YWHAZ: variants seen among roughly 807,000 people sequenced by gnomAD.
YWHAZ encodes the protein tyrosine 3-monooxygenase/tryptophan 5-monooxygenase activation protein zeta, also known as 14-3-3 protein zeta/delta.
For missense variants in YWHAZ, 79 were observed against 284.8 expected (o/e 0.28, Z 5.20); for synonymous variants, 87 against 103.6 (o/e 0.84, Z 0.97).
chr8:100,925,733 A>G (rs1017012611), intron 2 of YWHAZ, among the ~76,000 whole-genome samples: 2 of 152,158 alleles, frequency 1.3e-5, no homozygotes, highest in Non-Finnish European at 2.9e-5. Flanking sequence ...TCATCCTATA[A>G]AATTCTGTCT....
chr8:100,924,815 A>C lies in YWHAZ; in HGVS notation c.418+101T>G. The C allele has an allele frequency of 6.8e-7, 1 of 1,469,810 alleles. No individual in the cohort carries two copies. The highest frequency in any genetic ancestry group is 9.3e-7 in the Non-Finnish European group (1 of 1,080,772). The allele number at this position is 1,469,810 out of a possible 1,614,324, so 91.0% of individuals were successfully genotyped here. ...AGAGCACTGCTACTCCTTATTCGGC[A>C]CTCTAAGCAATTCAAAACAAGACAT... is the stretch of plus-strand genomic sequence containing the variant. On this transcript the variant is annotated intron_variant, in intron 3 of 5. Coordinates refer to ENST00000395958, the MANE Select transcript of YWHAZ (RefSeq NM_145690.3). This position sits in a 1 kb window ranked among gnomAD's most constrained non-coding sequence, Gnocchi z 5.7.
In YWHAZ at chr8:100,920,051, G is replaced by A. The variant is rs1375637116; in HGVS notation, c.*642C>T. The A allele has an allele frequency of 6.6e-6, 1 of 152,538 alleles. No homozygotes were observed. The highest frequency in any genetic ancestry group is 2.4e-5 in the African/African-American group (1 of 41,412). The allele number at this position is 152,538 out of a possible 1,614,324, so 9.4% of individuals were successfully genotyped here. A position where few individuals can be genotyped will look rare whatever the true frequency, so the allele number is the denominator to read the frequency against. ...ACATTTAAATACAAATAAAATGAGT[G>A]TAGCAAAAATAATGAAAGCTAACAG... On this transcript the variant is annotated 3_prime_UTR_variant, in exon 6 of 6. Transcript: ENST00000395958.
rs1812743865 is a variant in YWHAZ at position 100,917,260 on chromosome 8, CAT to C, written c.*3431_*3432del. The C allele has an allele frequency of 6.6e-6, 1 of 152,206 alleles. No homozygotes were observed. The highest frequency in any genetic ancestry group is 1.5e-5 in the Non-Finnish European group (1 of 68,062). 9.4% of individuals were successfully genotyped at this position (152,206 alleles called of 1,614,324 possible). A position where few individuals can be genotyped will look rare whatever the true frequency, so the allele number is the denominator to read the frequency against. On this transcript the variant is annotated 3_prime_UTR_variant, in exon 6 of 6. Coordinates refer to ENST00000395958, the MANE Select transcript of YWHAZ (RefSeq NM_145690.3). ...TGAGCCCCAAAATTAAGCCACTAGACATATTCTTTCTCTTTCTCCCCCCACCC... is the reference window on the plus strand; with the variant it reads ...TGAGCCCCAAAATTAAGCCACTAGACATTCTTTCTCTTTCTCCCCCCACCC...
At position 100,948,148 on chromosome 8, in the gene YWHAZ, C is replaced by T; in HGVS notation, c.294+448G>A. 1.3e-6 allele frequency: 2 copies of T among 1,533,866 alleles called. No homozygotes were observed. The highest frequency in any genetic ancestry group is 2.4e-5 in the South Asian group (2 of 83,724). ...AGTTTTCTGCATGGTTGACTCATTA[C>T]ATTAACATTATAGCGGCTAATCCTG... On this transcript the variant is annotated intron_variant, in intron 2 of 5. Transcript: ENST00000395958. The surrounding 1 kb of genome is among the most constrained non-coding windows in gnomAD (Gnocchi z 4.2).
intron 2 of YWHAZ, among the ~76,000 whole-genome samples, chr8:100,939,796 C>A (rs1276237824): frequency 6.6e-6 from 1 of 152,076 alleles, no homozygotes; most frequent in Non-Finnish European, 1.5e-5. Flanking sequence ...CCGAGGCAGG[C>A]GGATCACGAG....
At chr8:100,937,686 A>C (rs1814254675) in intron 2 of YWHAZ, among the ~76,000 whole-genome samples, 1 of 152,180 alleles carries the variant, frequency 6.6e-6, no homozygotes, top group African/African-American at 2.4e-5. Context: ...CCAAAACAAC[A>C]AATGAAGAGA....
At chr8:100,938,717 A>G (rs796276376) in intron 2 of YWHAZ, among the ~76,000 whole-genome samples, 1 of 152,332 alleles carries the variant, frequency 6.6e-6, no homozygotes, top group African/African-American at 2.4e-5. Context: ...ATAATCTGTC[A>G]CACATTAGGG....
chr8:100,942,257 G>A (rs1457933817), intron 2 of YWHAZ, among the ~76,000 whole-genome samples: 1 of 152,094 alleles, frequency 6.6e-6, no homozygotes, highest in Non-Finnish European at 1.5e-5. Flanking sequence ...AAAAACTAGT[G>A]AAATCTGCCA....
chr8:100,948,295 T>C lies in YWHAZ; in HGVS notation c.294+301A>G. 1 of 653,772 alleles carries C rather than the reference T, an allele frequency of 1.5e-6. No homozygotes were observed. Among genetic ancestry groups the C allele is most frequent in the Middle Eastern group, 3.9e-4 (1 of 2,540 alleles). 40.5% of individuals were successfully genotyped at this position (653,772 alleles called of 1,614,324 possible). A position where few individuals can be genotyped will look rare whatever the true frequency, so the allele number is the denominator to read the frequency against. On this transcript the variant is annotated intron_variant, in intron 2 of 5. Transcript: ENST00000395958. This position sits in a 1 kb window ranked among gnomAD's most constrained non-coding sequence, Gnocchi z 4.2. ...AGCTATAGAGCTACTACAAATATTC[T>C]AACCATAAGTAAAACAGTAACACAA...
chr8:100,952,212 C>T (rs1183405252), upstream of YWHAZ: 1 of 965,140 alleles, frequency 1.0e-6, no homozygotes, highest in Non-Finnish European at 1.2e-6. Context: ...CCCGCCCGCG[C>T]TGGAGGGCGA....
At chr8:100,938,741 ATC>A (rs1249528311) in intron 2 of YWHAZ, among the ~76,000 whole-genome samples, 1 of 152,226 alleles carries the variant, frequency 6.6e-6, no homozygotes, top group Non-Finnish European at 1.5e-5. Flanking sequence ...CATAGATTTA[ATC>A]TCTTACTCCC....
At chr8:100,921,136 C>T (rs906366431) in intron 5 of YWHAZ, among the ~76,000 whole-genome samples, 3 of 152,062 alleles carry the variant, frequency 2.0e-5, no homozygotes, top group Non-Finnish European at 2.9e-5. Context: ...CAGGTTCAAG[C>T]GATTCTCCTG....
upstream of YWHAZ, chr8:100,953,363 G>A (rs908123344): frequency 6.1e-6 from 6 of 985,532 alleles, no homozygotes; most frequent in African/African-American, 8.7e-5. Context: ...TGATGAGCCG[G>A]GACGGGAGCC....
chr8:100,940,283 G>A (rs1050298392), intron 2 of YWHAZ, among the ~76,000 whole-genome samples: 2 of 152,058 alleles, frequency 1.3e-5, no homozygotes, highest in African/African-American at 2.4e-5. Context: ...TGTTGGTGGT[G>A]GTGGTAGTTA....
chr8:100,944,304 T>C (rs1053694918), intron 2 of YWHAZ, among the ~76,000 whole-genome samples: 3 of 152,216 alleles, frequency 2.0e-5, no homozygotes, highest in African/African-American at 7.2e-5. Flanking sequence ...GCTTGCTTTC[T>C]TATTTCTGTT....
At chr8:100,936,786 CAG>C (rs1298829249) in intron 2 of YWHAZ, among the ~76,000 whole-genome samples, 2 of 152,096 alleles carry the variant, frequency 1.3e-5, no homozygotes, top group African/African-American at 4.8e-5. Context: ...GCCTGGGGGA[CAG>C]AGTGAGACTC....
At chr8:100,938,866 AATTT>A (rs958837866) in intron 2 of YWHAZ, among the ~76,000 whole-genome samples, 2 of 152,232 alleles carry the variant, frequency 1.3e-5, no homozygotes, top group Non-Finnish European at 2.9e-5. Context: ...GTCAAGAACT[AATTT>A]ATTAAGTCTT....
chr8:100,926,200 T>A (rs1394534598), intron 2 of YWHAZ, among the ~76,000 whole-genome samples: 3 of 22,668 alleles, frequency 1.3e-4, no homozygotes, highest in Non-Finnish European at 2.8e-4. Context: ...TTCCCCCAAT[T>A]TTTTTTTTTT....
chr8:100,950,164 C>G (rs1218374357), intron 1 of YWHAZ, among the ~76,000 whole-genome samples: 1 of 152,162 alleles, frequency 6.6e-6, no homozygotes, highest in Non-Finnish European at 1.5e-5. Flanking sequence ...AACTATTTAA[C>G]CTTTATGACG....
Sources: gnomAD v4.1 joint callset for allele counts (sites outside exome capture counted in the v4.1 genomes callset) on GRCh38, gnomAD v4.1.1 for gene constraint, Gnocchi (gnomAD v3.1) non-coding constraint, MANE v1.5 for transcripts, NCBI Gene and HGNC (gene_info 2026-07-23, HGNC 2026-07-21) for gene names.